Variants in DNMBP observed in about 807,000 individuals in gnomAD.
DNMBP encodes the protein dynamin binding protein.
Under a neutral mutation model 150.0 loss-of-function variants are expected in DNMBP, and 87 were observed. The observed-to-expected ratio is 0.58, with a 90% confidence interval of 0.49 to 0.69. The LOEUF (loss-of-function observed/expected upper bound fraction) is 0.69. Among genes scored for constraint, DNMBP ranks in the 30% least tolerant of loss-of-function variants. The probability of loss-of-function intolerance (pLI) is 0.00; values close to 1 mark genes in which losing one functional copy is unlikely to be tolerated. For missense variants in DNMBP, 1,774 were observed against 1,949.0 expected (o/e 0.91, Z 1.69); for synonymous variants, 711 against 750.4 (o/e 0.95, Z 0.86).
chr10:99,981,464 G>A (rs1484406650), intron 1 of DNMBP, among the ~76,000 whole-genome samples: 1 of 152,320 alleles, frequency 6.6e-6, no homozygotes, highest in East Asian at 1.9e-4. Context: ...TTACAGGTAT[G>A]AGCCACTGTG....
chr10:99,894,468 A>T (rs2039621911), intron 11 of DNMBP, among the ~76,000 whole-genome samples: 1 of 152,194 alleles, frequency 6.6e-6, no homozygotes, highest in East Asian at 1.9e-4. Flanking sequence ...TTATGGCTCT[A>T]ATACCTTTAG....
chr10:99,957,949 C>G (rs1320142065), intron 3 of DNMBP: 1 of 152,236 alleles, frequency 6.6e-6, no homozygotes, highest in Admixed American at 6.5e-5. Flanking sequence ...GCCTGGTCAA[C>G]ATGGTGAAAC....
intron 12 of DNMBP, among the ~76,000 whole-genome samples, chr10:99,887,105 T>G (rs2039479839): frequency 1.3e-5 from 2 of 151,990 alleles, no homozygotes; most frequent in African/African-American, 4.8e-5. Flanking sequence ...TTTTTTTTTT[T>G]TGAGACGGAG....
At chr10:100,002,654 G>C (rs2041027755) in intron 1 of DNMBP, among the ~76,000 whole-genome samples, 1 of 152,056 alleles carries the variant, frequency 6.6e-6, no homozygotes, top group Non-Finnish European at 1.5e-5. Flanking sequence ...AAATAAACTT[G>C]TATTGGAATC....
intron 1 of DNMBP, among the ~76,000 whole-genome samples, chr10:100,005,110 C>T (rs538472444): frequency 1.3e-5 from 2 of 152,210 alleles, no homozygotes; most frequent in South Asian, 4.2e-4. Flanking sequence ...GAGGCGAGTG[C>T]TGGTGGGACA....
At chr10:99,926,237 C>T (rs563654684) in intron 4 of DNMBP, among the ~76,000 whole-genome samples, 22 of 152,268 alleles carry the variant, frequency 1.4e-4, no homozygotes, top group Admixed American at 3.9e-4. Flanking sequence ...AATCTCCCTA[C>T]TTATAACTAC....
At chr10:99,952,254 T>A (rs1295423706) in intron 4 of DNMBP, among the ~76,000 whole-genome samples, 1 of 152,210 alleles carries the variant, frequency 6.6e-6, no homozygotes, top group Non-Finnish European at 1.5e-5. Context: ...GGTATCTTCA[T>A]CAGCAGTGTG....
At chr10:99,946,335 A>T (rs1269755436) in intron 4 of DNMBP, among the ~76,000 whole-genome samples, 1 of 152,254 alleles carries the variant, frequency 6.6e-6, no homozygotes, top group Non-Finnish European at 1.5e-5. Flanking sequence ...TGATGTATGA[A>T]ATATTAGTCA....
intron 16 of DNMBP, among the ~76,000 whole-genome samples, chr10:99,877,565 A>G (rs1416718735): frequency 1.3e-5 from 2 of 152,144 alleles, no homozygotes; most frequent in African/African-American, 4.8e-5. Flanking sequence ...GGGATGATTA[A>G]AAGAAAACAC....
intron 4 of DNMBP, chr10:99,913,844 A>G: frequency 1.7e-6 from 2 of 1,169,288 alleles, no homozygotes; most frequent in South Asian, 3.8e-5. Context: ...TCTATCTCTA[A>G]TGGGGAAAAT....
chr10:99,898,715 G>A (rs752485420), intron 8 of DNMBP, 28 bp downstream of exon 8: 10 of 1,611,632 alleles, frequency 6.2e-6, no homozygotes, highest in Admixed American at 5.0e-5. Context: ...AGAAATGAGC[G>A]CATACATCAA....
intron 1 of DNMBP, among the ~76,000 whole-genome samples, chr10:99,987,734 C>CA (rs770550556): frequency 0.023 from 2,371 of 104,058 alleles, 63 homozygotes; most frequent in African/African-American, 0.076. Flanking sequence ...GACCCCATGT[C>CA]AAAAAAAAAA....
In DNMBP at chr10:99,919,929, G is replaced by C. The variant is rs142730463; in HGVS notation, c.2261-10783C>G. Among the ~76,000 whole-genome samples the C allele has an allele frequency of 5.3e-3, 810 of 152,318 alleles. 27 individuals carry two copies. The highest frequency in any genetic ancestry group is 0.047 in the Admixed American group (716 of 15,292). ...ATGGTCTTTAAAGTTAGTTCCATTTGAGTGAATGAATCTAGTCTAACAGGC... is the reference window on the plus strand; with the variant it reads ...ATGGTCTTTAAAGTTAGTTCCATTTCAGTGAATGAATCTAGTCTAACAGGC... On this transcript the variant is annotated intron_variant, in intron 4 of 16. Transcript: ENST00000324109.
chr10:99,885,607 G>C, intron 14 of DNMBP, 80 bp downstream of exon 14: 1 of 1,269,878 alleles, frequency 7.9e-7, no homozygotes, highest in Non-Finnish European at 1.1e-6. Context: ...CCAATAGTGG[G>C]ATCTGGGCCT....
At chr10:99,919,532 C>A (rs928325772) in intron 4 of DNMBP, among the ~76,000 whole-genome samples, 1 of 152,220 alleles carries the variant, frequency 6.6e-6, no homozygotes, top group Admixed American at 6.5e-5. Flanking sequence ...GTGACTCACG[C>A]CTGTAATCCC....
intron 4 of DNMBP, among the ~76,000 whole-genome samples, chr10:99,915,108 A>AAAAAAAAAAAATATAT (rs10654940): frequency 1.0e-5 from 1 of 99,800 alleles, no homozygotes; most frequent in African/African-American, 4.4e-5. Flanking sequence ...AAAAAAAAAA[A>AAAAAAAAAAAATATAT]ATATATATAT....
At chr10:100,005,626 A>G (rs1044395511) in intron 1 of DNMBP, among the ~76,000 whole-genome samples, 2 of 151,960 alleles carry the variant, frequency 1.3e-5, no homozygotes, top group Non-Finnish European at 2.9e-5. Context: ...GTGGTGGCGC[A>G]TGACTGTAAT....
intron 4 of DNMBP, among the ~76,000 whole-genome samples, chr10:99,929,039 G>A (rs2040114726): frequency 6.6e-6 from 1 of 152,082 alleles, no homozygotes; most frequent in Admixed American, 6.6e-5. Flanking sequence ...AGCTACTCAG[G>A]AGGCTAAAGT....
At chr10:99,905,294 A>C (rs1433721205) in intron 6 of DNMBP, among the ~76,000 whole-genome samples, 1 of 152,208 alleles carries the variant, frequency 6.6e-6, no homozygotes, top group East Asian at 1.9e-4. Context: ...GAAAATGCAA[A>C]AGACACAGTT....
Sources: gnomAD v4.1 joint callset for allele counts (sites outside exome capture counted in the v4.1 genomes callset) on GRCh38, gnomAD v4.1.1 for gene constraint, MANE v1.5 for transcripts, NCBI Gene and HGNC (gene_info 2026-07-23, HGNC 2026-07-21) for gene names.